DCAF12: variants seen among roughly 807,000 people sequenced by gnomAD.
DCAF12 encodes the protein DDB1- and CUL4-associated factor 12.
DCAF12 carries 28 observed loss-of-function variants against 52.8 expected under a neutral mutation model. The observed-to-expected ratio is 0.53, with a 90% CI of 0.39 to 0.73. The LOEUF (loss-of-function observed/expected upper bound fraction) is 0.73. Ranked by LOEUF, DCAF12 falls within the 30% of genes least tolerant of loss-of-function variation. The probability of loss-of-function intolerance (pLI) is 0.00; values close to 1 mark genes in which losing one functional copy is unlikely to be tolerated. For missense variants in DCAF12, 425 were observed against 552.2 expected (o/e 0.77, Z 2.31); for synonymous variants, 196 against 215.5 (o/e 0.91, Z 0.79).
intron 7 of DCAF12, among the ~76,000 whole-genome samples, chr9:34,090,799 C>T (rs1043212836): frequency 6.6e-6 from 1 of 151,766 alleles, no homozygotes; most frequent in Admixed American, 6.6e-5. Context: ...GAACTACAGG[C>T]ACCCGCTACC....
At chr9:34,107,636 T>C in intron 2 of DCAF12, 71 bp from the exon 3 acceptor site, 2 of 1,314,898 alleles carry the variant, frequency 1.5e-6, no homozygotes, top group Non-Finnish European at 2.2e-6. Flanking sequence ...AAACATCCTT[T>C]TGTTCAACTG....
In DCAF12 at chr9:34,125,277, A is replaced by C; in HGVS notation, c.79T>G (p.Phe27Val). The C allele has an allele frequency of 6.2e-7, 1 of 1,613,782 alleles. No homozygotes were observed. ...GAGSDAQGPQFGWDHSLHKRK... is the reference protein window; with the variant it reads ...GAGSDAQGPQVGWDHSLHKRK... ...TTGTGAAGCGAGTGATCCCAGCCAA[A>C]CTGTGGAAACAACATTAGAAATCAG... The change falls in exon 2 of 9, where the codon TTT (phenylalanine) becomes GTT (valine). Residue 27 changes from phenylalanine to valine, a missense_variant and splice_region_variant. This residue lies in a region of DCAF12 where 89 missense variants were observed against 84.9 expected (regional missense o/e 1.05). Transcript: ENST00000361264.
chr9:34,095,965 C>T (rs1828728726), intron 6 of DCAF12: 1 of 152,110 alleles, frequency 6.6e-6, no homozygotes, highest in Admixed American at 6.6e-5. Context: ...CCCTGTCTTA[C>T]TCTTTAAAAG....
Position 34,126,357 on chromosome 9 carries a change from C to T in DCAF12, c.75G>A (p.Pro25=), listed in dbSNP as rs746377084. 1.9e-6 allele frequency: 3 copies of T among 1,612,318 alleles called. No homozygotes were observed. In the African/African-American group the frequency reaches 4.0e-5, roughly 22 times the overall value. The stretch of plus-strand genomic sequence containing the variant: ...GTGCCGGCCTCTCAACCCTCACCTG[C>T]GGGCCCTGAGCGTCGCTCCCAGCTC... The part of the protein sequence containing the change: ...SPGAGSDAQG[P]QFGWDHSLHK... Residue 25 remains proline, a synonymous_variant, in exon 1 of 9, where the codon CCG becomes CCA. Coordinates refer to ENST00000361264, the MANE Select transcript of DCAF12 (RefSeq NM_015397.4).
chr9:34,125,322 C>T (rs1414795803), intron 1 of DCAF12, 45 bp from the exon 2 acceptor site: 3 of 1,600,890 alleles, frequency 1.9e-6, no homozygotes, highest in Non-Finnish European at 2.6e-6. Context: ...TACTCTTCTT[C>T]AGAACAGATC....
At chr9:34,111,936 A>C (rs932271397) in intron 2 of DCAF12, among the ~76,000 whole-genome samples, 2 of 151,640 alleles carry the variant, frequency 1.3e-5, no homozygotes, top group Non-Finnish European at 2.9e-5. Context: ...GGAGTTCAAG[A>C]CTAGCCTGGC....
At position 34,093,448 on chromosome 9, in the gene DCAF12, G is replaced by A; in HGVS notation, c.862C>T (p.Leu288Phe). 1 of 1,614,030 alleles carries A rather than the reference G, an allele frequency of 6.2e-7. No homozygotes were observed. The highest frequency in any genetic ancestry group is 8.5e-7 in the Non-Finnish European group (1 of 1,179,928). ...CAATATGGCAGTTTGGTGGAGAGGA[G>A]CTGAAAATAGAGGAGAGATATAACC... ...LWKAENTLSK[L>F]LSTKLPYCRE... The change falls in exon 7 of 9, where the codon CTC becomes TTC. Residue 288 changes from leucine (L) to phenylalanine (F), a missense_variant and splice_region_variant. Around this residue, in one of 3 missense-constraint regions of DCAF12, gnomAD observed 328 missense variants for 444.4 expected, o/e 0.74. Coordinates refer to ENST00000361264, the MANE Select transcript of DCAF12 (RefSeq NM_015397.4).
chr9:34,120,019 A>G (rs1223445425), intron 2 of DCAF12, among the ~76,000 whole-genome samples: 1 of 151,566 alleles, frequency 6.6e-6, no homozygotes, highest in Non-Finnish European at 1.5e-5. Flanking sequence ...ACTGGCCAAC[A>G]TGGTGAACCC....
At chr9:34,112,588 C>T (rs1262363887) in intron 2 of DCAF12, among the ~76,000 whole-genome samples, 1 of 150,852 alleles carries the variant, frequency 6.6e-6, no homozygotes, top group African/African-American at 2.4e-5. Flanking sequence ...AGTGAGAATC[C>T]ATCTCAAAAA....
At chr9:34,106,387 C>T (rs765203748) in intron 4 of DCAF12, 47 bp downstream of exon 4, 7 of 1,506,174 alleles carry the variant, frequency 4.6e-6, no homozygotes, top group African/African-American at 1.4e-5. Flanking sequence ...ATCTCTAGCC[C>T]CCAATCCCTG....
At chr9:34,091,299 C>A (rs1202898282) in intron 7 of DCAF12, among the ~76,000 whole-genome samples, 1 of 151,866 alleles carries the variant, frequency 6.6e-6, no homozygotes, top group Non-Finnish European at 1.5e-5. Flanking sequence ...TCCACTCCAG[C>A]CTAGGTGACA....
At chr9:34,115,098 A>C (rs1323711099) in intron 2 of DCAF12, among the ~76,000 whole-genome samples, 2 of 152,186 alleles carry the variant, frequency 1.3e-5, no homozygotes, top group Non-Finnish European at 2.9e-5. Flanking sequence ...ACAGACAACA[A>C]GACACACTAT....
chr9:34,118,292 C>T (rs550933176), intron 2 of DCAF12, among the ~76,000 whole-genome samples: 1 of 152,216 alleles, frequency 6.6e-6, no homozygotes, highest in East Asian at 1.9e-4. Flanking sequence ...CGGCATCATG[C>T]CCGGCTAATT....
At position 34,125,058 on chromosome 9, in the gene DCAF12, G is replaced by A. The variant is rs759196193; in HGVS notation, c.298C>T (p.His100Tyr). ...TTTGTGCCACACACCACTTGCCTAT[G>A]ATTCAACCACTGAGATGCAAACACT... ...NKVFASQWLN[H>Y]RQVVCGTKCN... Residue 100 changes from histidine to tyrosine, a missense_variant, in exon 2 of 9, where the codon CAT becomes TAT. Around this residue, in one of 3 missense-constraint regions of DCAF12, gnomAD observed 328 missense variants for 444.4 expected, o/e 0.74. Transcript: ENST00000361264. 23 of 1,613,708 alleles carry A rather than the reference G, an allele frequency of 1.4e-5. No individual in the cohort carries two copies. In the African/African-American group the frequency reaches 2.9e-4, roughly 21 times the overall value.
In DCAF12 at chr9:34,093,533, C is replaced by T; in HGVS notation, c.862-85G>A. 3 of 1,434,278 alleles carry T rather than the reference C, an allele frequency of 2.1e-6. No individual in the cohort carries two copies. In the South Asian group the frequency reaches 3.7e-5, roughly 18 times the overall value. The allele number at this position is 1,434,278 out of a possible 1,614,324, so 88.8% of individuals were successfully genotyped here. The stretch of plus-strand genomic sequence containing the variant: ...GTTTCTGGACTCCCACCTTGATGGG[C>T]TTCCCTCATATAAAAGCCACATAAA... On this transcript the variant is annotated intron_variant, in intron 6 of 8. Transcript: ENST00000361264.
chr9:34,088,337 TGG>T lies in DCAF12; in HGVS notation c.*11_*12del. 6.5e-7 allele frequency: 1 copy of T among 1,537,536 alleles called. No homozygotes were observed. Among genetic ancestry groups the T allele is most frequent in the Non-Finnish European group, 8.7e-7 (1 of 1,147,286 alleles). ...GGAAGTTAGTGTAAATCTCTGCATT[TGG>T]GGAGTTGTCATTAACTCCAGAGCCC... On this transcript the variant is annotated 3_prime_UTR_variant, in exon 9 of 9. Coordinates refer to ENST00000361264, the MANE Select transcript of DCAF12 (RefSeq NM_015397.4).
intron 4 of DCAF12, among the ~76,000 whole-genome samples, chr9:34,105,711 C>T (rs1828893896): frequency 6.6e-6 from 1 of 151,830 alleles, no homozygotes; most frequent in Non-Finnish European, 1.5e-5. Context: ...TGTGGGTGGT[C>T]CTTACTTCCT....
At chr9:34,117,241 G>T (rs1286851118) in intron 2 of DCAF12, among the ~76,000 whole-genome samples, 3 of 149,804 alleles carry the variant, frequency 2.0e-5, no homozygotes, top group African/African-American at 7.3e-5. Context: ...GCAGTAAATT[G>T]ATTTCTAATC....
chr9:34,105,217 C>T (rs967418600), intron 4 of DCAF12, among the ~76,000 whole-genome samples: 6 of 151,266 alleles, frequency 4.0e-5, no homozygotes, highest in Non-Finnish European at 8.8e-5. Flanking sequence ...CGTGCTACTG[C>T]ACTCCAGCCT....
Sources: gnomAD v4.1 joint callset for allele counts (sites outside exome capture counted in the v4.1 genomes callset) on GRCh38, gnomAD v4.1.1 for gene constraint, gnomAD v4.1.1 regional missense constraint, MANE v1.5 for transcripts, NCBI Gene and HGNC (gene_info 2026-07-23, HGNC 2026-07-21) for gene names.